The following GPHN variants were observed in gnomAD, a reference collection of about 807,000 sequenced individuals.
The protein encoded by GPHN is gephyrin.
GPHN carries 17 observed loss-of-function variants against 95.5 expected under a neutral mutation model. The observed-to-expected ratio is 0.18, with a 90% confidence interval of 0.12 to 0.27. The LOEUF (loss-of-function observed/expected upper bound fraction) is 0.27, where lower values mean the gene tolerates loss of function less well. Ranked by LOEUF, GPHN falls within the 10% of genes least tolerant of loss-of-function variation. The pLI, the probability that GPHN is intolerant of heterozygous loss-of-function variation, is 1.00. For synonymous variants in GPHN, 320 were observed against 322.5 expected (o/e 0.99, Z 0.08); for missense variants, 660 against 978.1 (o/e 0.67, Z 4.34).
intron 8 of GPHN, among the ~76,000 whole-genome samples, chr14:66,932,137 C>T (rs779800356): frequency 2.0e-5 from 3 of 152,278 alleles, no homozygotes; most frequent in East Asian, 3.9e-4. Flanking sequence ...GAGGTACTGC[C>T]GTGGTGGTCT....
the GPHN span, among the ~76,000 whole-genome samples, chr14:67,484,661 C>T: frequency 1.3e-5 from 2 of 152,150 alleles, no homozygotes; most frequent in Non-Finnish European, 2.9e-5. Flanking sequence ...TGGGGGCTCA[C>T]ACCTGTAATC....
the GPHN span, chr14:67,390,707 G>A: frequency 1.9e-6 from 3 of 1,613,790 alleles, no homozygotes; most frequent in East Asian, 2.2e-5. Flanking sequence ...TCCTTCCTTA[G>A]AACAAAGCGA....
chr14:67,284,547 TAAAAAAAAAAAAAAAAAAAAAAAA>T, the GPHN span, among the ~76,000 whole-genome samples: 69 of 23,310 alleles, frequency 3.0e-3, no homozygotes, highest in East Asian at 0.017. Flanking sequence ...GCTGCAGTGC[TAAAAAAAAAAAAAAAAAAAAAAAA>T]AAAAAAAAAA....
intron 9 of GPHN, among the ~76,000 whole-genome samples, chr14:66,982,237 G>A (rs964746278): frequency 2.0e-5 from 3 of 152,058 alleles, no homozygotes; most frequent in Non-Finnish European, 4.4e-5. Flanking sequence ...GGTAGAAATC[G>A]TTTTCAGTGA....
chr14:66,727,958 G>A (rs577485323), intron 2 of GPHN, among the ~76,000 whole-genome samples: 12 of 152,234 alleles, frequency 7.9e-5, no homozygotes, highest in South Asian at 6.2e-4. Context: ...AGGCCCAGAG[G>A]CATAGGAGGA....
chr14:66,563,474 T>C (rs2060347179), intron 1 of GPHN, among the ~76,000 whole-genome samples: 1 of 152,198 alleles, frequency 6.6e-6, no homozygotes, highest in South Asian at 2.1e-4. Context: ...TCTAAATTTT[T>C]CTTGTGGGGC....
At chr14:67,099,423 T>C (rs1015588905) in intron 12 of GPHN, among the ~76,000 whole-genome samples, 3 of 152,002 alleles carry the variant, frequency 2.0e-5, no homozygotes, top group Admixed American at 2.0e-4. Flanking sequence ...ACCCAGCCTG[T>C]TGTAAAAACT....
intron 8 of GPHN, among the ~76,000 whole-genome samples, chr14:66,928,873 A>G (rs2066626844): frequency 6.6e-6 from 1 of 152,044 alleles, no homozygotes; most frequent in Non-Finnish European, 1.5e-5. Context: ...TGTGGGTTAG[A>G]TAAGATACAT....
the GPHN span, among the ~76,000 whole-genome samples, chr14:67,232,770 T>G: frequency 6.6e-6 from 1 of 152,230 alleles, no homozygotes; most frequent in African/African-American, 2.4e-5. Context: ...TGCATTTTTA[T>G]GCGTGTTGCC....
At chr14:66,871,090 A>G (rs2063417106) in intron 4 of GPHN, among the ~76,000 whole-genome samples, 1 of 152,160 alleles carries the variant, frequency 6.6e-6, no homozygotes, top group Non-Finnish European at 1.5e-5. Flanking sequence ...TCATTTGTCA[A>G]TTGAGTTTTT....
At chr14:67,421,894 T>C in the GPHN span, among the ~76,000 whole-genome samples, 1 of 152,146 alleles carries the variant, frequency 6.6e-6, no homozygotes, top group South Asian at 2.1e-4. Context: ...CTCCATAAAT[T>C]GCTGGCAGTC....
At chr14:67,658,596 CA>C in the GPHN span, among the ~76,000 whole-genome samples, 4,183 of 151,888 alleles carry the variant, frequency 0.028, 208 homozygotes, top group African/African-American at 0.096. Context: ...GACTCCGTCT[CA>C]AAAAAAATAA....
the GPHN span, chr14:67,569,247 A>G: frequency 3.9e-6 from 6 of 1,527,632 alleles, no homozygotes; most frequent in Non-Finnish European, 3.6e-6. Flanking sequence ...GGAGGCACCA[A>G]ACACCCAAGG....
chr14:66,955,650 A>G (rs1308173114), intron 8 of GPHN, among the ~76,000 whole-genome samples: 1 of 152,142 alleles, frequency 6.6e-6, no homozygotes, highest in African/African-American at 2.4e-5. Flanking sequence ...TGCTGCACCC[A>G]TTAACTCGTC....
At chr14:67,567,014 A>G in the GPHN span, among the ~76,000 whole-genome samples, 2 of 152,080 alleles carry the variant, frequency 1.3e-5, no homozygotes, top group South Asian at 2.1e-4. Context: ...GGCCCCAAGG[A>G]CCCAAGAATC....
chr14:67,458,866 C>T, the GPHN span, among the ~76,000 whole-genome samples: 31 of 151,872 alleles, frequency 2.0e-4, no homozygotes, highest in African/African-American at 7.3e-4. Flanking sequence ...TACCAAAGTG[C>T]ACCACTATGC....
At chr14:67,430,344 T>G in the GPHN span, among the ~76,000 whole-genome samples, 77,546 of 152,022 alleles carry the variant, frequency 0.51, 22,428 homozygotes, top group African/African-American at 0.8. Context: ...CACTGTAAGT[T>G]AGGAAGGATC....
the GPHN span, among the ~76,000 whole-genome samples, chr14:67,508,442 G>A: frequency 3.3e-5 from 5 of 152,090 alleles, no homozygotes; most frequent in Non-Finnish European, 7.4e-5. Context: ...CACGCCCAGA[G>A]TCACTGAGCT....
At chr14:67,183,958 A>G (rs2083355332), downstream of GPHN, among the ~76,000 whole-genome samples, 1 of 151,534 alleles carries the variant, frequency 6.6e-6, no homozygotes, top group African/African-American at 2.4e-5. Flanking sequence ...GGCTCAAGTG[A>G]TCCTTCCATC....
Sources: gnomAD v4.1 joint callset for allele counts (sites outside exome capture counted in the v4.1 genomes callset) on GRCh38, gnomAD v4.1.1 for gene constraint, MANE v1.5 for transcripts, NCBI Gene and HGNC (gene_info 2026-07-23, HGNC 2026-07-21) for gene names.